The following RABGAP1L variants were observed in gnomAD, a reference collection of about 807,000 sequenced individuals.
RABGAP1L encodes the protein rab GTPase-activating protein 1-like.
Under a neutral mutation model 137.7 loss-of-function variants are expected in RABGAP1L, and 63 were observed. The ratio of observed to expected loss-of-function variants is 0.46; its 90% CI spans 0.37 to 0.56. The LOEUF (loss-of-function observed/expected upper bound fraction) is 0.56, where lower values mean the gene tolerates loss of function less well. Among genes scored for constraint, RABGAP1L ranks in the 20% least tolerant of loss-of-function variants. The probability of loss-of-function intolerance (pLI) is 0.00; values close to 1 mark genes in which losing one functional copy is unlikely to be tolerated. For missense variants in RABGAP1L, 1,095 were observed against 1,244.0 expected (o/e 0.88, Z 1.80); for synonymous variants, 431 against 433.7 (o/e 0.99, Z 0.08).
chr1:174,664,450 A>C (rs1210559477), intron 14 of RABGAP1L, among the ~76,000 whole-genome samples: 1 of 152,174 alleles, frequency 6.6e-6, no homozygotes, highest in Non-Finnish European at 1.5e-5. Context: ...CTTAACACAA[A>C]CCATTGAATG....
At chr1:174,337,505 G>A (rs1002859249) in intron 11 of RABGAP1L, among the ~76,000 whole-genome samples, 4 of 152,170 alleles carry the variant, frequency 2.6e-5, no homozygotes, top group African/African-American at 9.7e-5. Context: ...GACTTTAATT[G>A]TATAAAGCAG....
intron 8 of RABGAP1L, 84 bp downstream of exon 8, chr1:174,272,564 T>G: frequency 1.4e-6 from 2 of 1,399,016 alleles, no homozygotes; most frequent in Non-Finnish European, 1.9e-6. Flanking sequence ...ACAAATTTTG[T>G]CATATTGTCA....
chr1:174,775,533 G>C (rs1282635473), intron 18 of RABGAP1L, among the ~76,000 whole-genome samples: 1 of 151,944 alleles, frequency 6.6e-6, no homozygotes, highest in Non-Finnish European at 1.5e-5. Flanking sequence ...GGCTGGTCTC[G>C]AACTCCCGAC....
intron 13 of RABGAP1L, among the ~76,000 whole-genome samples, chr1:174,522,404 CCATCTCTA>C (rs1407511975): frequency 6.6e-6 from 1 of 151,992 alleles, no homozygotes; most frequent in Admixed American, 6.6e-5. Flanking sequence ...TGGCGAAACC[CCATCTCTA>C]CAAAAACTTA....
chr1:174,390,396 A>C (rs1303346483), intron 12 of RABGAP1L, among the ~76,000 whole-genome samples: 1 of 152,216 alleles, frequency 6.6e-6, no homozygotes, highest in African/African-American at 2.4e-5. Context: ...ACTGTTGACT[A>C]TTAATCTTAA....
intron 13 of RABGAP1L, among the ~76,000 whole-genome samples, chr1:174,541,061 G>T (rs894365534): frequency 6.6e-6 from 1 of 152,158 alleles, no homozygotes; most frequent in African/African-American, 2.4e-5. Context: ...TAGCAATTGT[G>T]TATGGGAGTT....
chr1:174,574,905 G>C (rs966270275), intron 13 of RABGAP1L, among the ~76,000 whole-genome samples: 3 of 152,096 alleles, frequency 2.0e-5, no homozygotes, highest in Non-Finnish European at 2.9e-5. Context: ...TCTTAGATCT[G>C]TCTGCCTTTT....
chr1:174,383,452 C>T (rs184350086), intron 12 of RABGAP1L, among the ~76,000 whole-genome samples: 3 of 152,012 alleles, frequency 2.0e-5, no homozygotes, highest in African/African-American at 2.4e-5. Context: ...ATTCCGTTGG[C>T]GTAGGACCCT....
chr1:174,503,591 G>T (rs1160922559), intron 13 of RABGAP1L, among the ~76,000 whole-genome samples: 1 of 149,532 alleles, frequency 6.7e-6, no homozygotes, highest in African/African-American at 2.5e-5. Flanking sequence ...AACTCGGGAG[G>T]CGGAGGTTGC....
At chr1:174,662,611 C>G (rs1163126420) in intron 14 of RABGAP1L, among the ~76,000 whole-genome samples, 1 of 152,194 alleles carries the variant, frequency 6.6e-6, no homozygotes, top group Non-Finnish European at 1.5e-5. Context: ...CCAGGCTGGT[C>G]TCGAACTCCT....
At chr1:174,630,150 A>C in intron 13 of RABGAP1L, among the ~76,000 whole-genome samples, 1 of 151,550 alleles carries the variant, frequency 6.6e-6, no homozygotes, top group Non-Finnish European at 1.5e-5. Flanking sequence ...TATTGAGATA[A>C]TCGTGGTTTT....
At chr1:174,982,966 C>T (rs1376543178) in intron 24 of RABGAP1L, 61 bp downstream of exon 24, 9 of 1,484,074 alleles carry the variant, frequency 6.1e-6, no homozygotes, top group African/African-American at 5.6e-5. Context: ...CTTGTAAGTA[C>T]CTGAAAGAAC....
chr1:174,600,641 C>CTT (rs1184387654), intron 13 of RABGAP1L, among the ~76,000 whole-genome samples: 5 of 152,210 alleles, frequency 3.3e-5, no homozygotes, highest in African/African-American at 1.2e-4. Context: ...AAATGATCTC[C>CTT]TTTGACTCCA....
intron 10 of RABGAP1L, among the ~76,000 whole-genome samples, chr1:174,286,155 T>G (rs1261145004): frequency 1.3e-5 from 2 of 152,210 alleles, no homozygotes; most frequent in African/African-American, 2.4e-5. Flanking sequence ...AGGATTGGCA[T>G]TAAATGTTTG....
At chr1:174,375,449 A>G (rs1685442184) in intron 12 of RABGAP1L, among the ~76,000 whole-genome samples, 2 of 152,112 alleles carry the variant, frequency 1.3e-5, no homozygotes, top group Non-Finnish European at 2.9e-5. Context: ...TATGTTTGAT[A>G]AAGATAACCA....
chr1:174,870,912 T>A (rs1047471902), intron 19 of RABGAP1L, among the ~76,000 whole-genome samples: 7 of 151,882 alleles, frequency 4.6e-5, no homozygotes, highest in Admixed American at 1.3e-4. Flanking sequence ...TAATTTTTTT[T>A]ATATTTTTAG....
chr1:174,711,431 G>A, intron 17 of RABGAP1L, among the ~76,000 whole-genome samples: 1 of 152,084 alleles, frequency 6.6e-6, no homozygotes, highest in East Asian at 2.0e-4. Context: ...GCTGCGCACA[G>A]TGCTTGCGGG....
chr1:174,521,395 A>T (rs1190055877), intron 13 of RABGAP1L, among the ~76,000 whole-genome samples: 5 of 152,230 alleles, frequency 3.3e-5, no homozygotes, highest in African/African-American at 1.2e-4. Flanking sequence ...AGCTTATAGA[A>T]AACTAGTTTT....
chr1:174,336,889 GAGAGAGAGAA>G lies in RABGAP1L; in HGVS notation c.1465+31776_1465+31785del, dbSNP rs777153639. 2.1e-4 allele frequency among the ~76,000 whole-genome samples: 30 copies of G among 143,988 alleles called. 1 individual carries two copies. Among genetic ancestry groups the G allele is most frequent in the Non-Finnish European group, 3.6e-4 (24 of 66,056 alleles). 94.5% of individuals were successfully genotyped at this position (143,988 alleles called of 152,430 possible). On this transcript the variant is annotated intron_variant, in intron 11 of 25. Coordinates refer to ENST00000681986, the MANE Select transcript of RABGAP1L (RefSeq NM_001366446.1). ...TGTGTGTGTGTGTGTGTGTGTGAGA[GAGAGAGAGAA>G]AGAGAGAGAAAGAATGGAGGAGGAA...
Sources: gnomAD v4.1 joint callset for allele counts (sites outside exome capture counted in the v4.1 genomes callset) on GRCh38, gnomAD v4.1.1 for gene constraint, MANE v1.5 for transcripts, NCBI Gene and HGNC (gene_info 2026-07-23, HGNC 2026-07-21) for gene names.